Variants in ASXL2 observed in about 807,000 individuals in gnomAD.
ASXL2 encodes putative Polycomb group protein ASXL2.
Under a neutral mutation model 122.0 loss-of-function variants are expected in ASXL2, and 23 were observed. The observed-to-expected ratio is 0.19, with a 90% CI of 0.14 to 0.27. The LOEUF is 0.27. Ranked by LOEUF, ASXL2 falls within the 10% of genes least tolerant of loss-of-function variation. ASXL2 has a pLI of 1.00. For missense variants in ASXL2, 1,518 were observed against 1,713.8 expected (o/e 0.89, Z 2.02); for synonymous variants, 650 against 637.0 (o/e 1.02, Z -0.31).
At chr2:25,782,655 TC>T (rs1380130840) in intron 5 of ASXL2, among the ~76,000 whole-genome samples, 1 of 152,130 alleles carries the variant, frequency 6.6e-6, no homozygotes, top group African/African-American at 2.4e-5. Flanking sequence ...CCACTAGTGT[TC>T]CCCCTTAAGA....
intron 3 of ASXL2, among the ~76,000 whole-genome samples, chr2:25,818,601 A>G (rs773894695): frequency 6.6e-6 from 1 of 152,268 alleles, no homozygotes; most frequent in African/African-American, 2.4e-5. Context: ...AAATGACTAT[A>G]GCAGAAATAA....
intron 3 of ASXL2, among the ~76,000 whole-genome samples, chr2:25,823,131 T>C (rs1389092573): frequency 4.6e-5 from 7 of 152,190 alleles, no homozygotes; most frequent in African/African-American, 2.4e-5. Context: ...TGTACCATTG[T>C]ATGGGGCAAT....
intron 3 of ASXL2, among the ~76,000 whole-genome samples, chr2:25,832,710 G>A (rs1390418609): frequency 6.6e-6 from 1 of 152,176 alleles, no homozygotes; most frequent in African/African-American, 2.4e-5. Flanking sequence ...AATGGAAAAT[G>A]TATGCCCATA....
chr2:25,876,632 A>G (rs768768768), intron 1 of ASXL2, among the ~76,000 whole-genome samples: 15 of 152,350 alleles, frequency 9.8e-5, no homozygotes, highest in South Asian at 2.1e-4. Context: ...ATTAACAGAA[A>G]GAGGTCTTGA....
chr2:25,753,678 G>A, intron 10 of ASXL2, 39 bp from the exon 11 acceptor site: 1 of 1,444,138 alleles, frequency 6.9e-7, no homozygotes, highest in East Asian at 2.3e-5. Context: ...ATAGAAAAAT[G>A]CTATTTGCAA....
chr2:25,792,218 C>T (rs1016885392), intron 5 of ASXL2, among the ~76,000 whole-genome samples: 26 of 152,036 alleles, frequency 1.7e-4, no homozygotes, highest in Non-Finnish European at 4.4e-5. Flanking sequence ...CCCAGGCTGG[C>T]CTCAAACTCC....
intron 1 of ASXL2, among the ~76,000 whole-genome samples, chr2:25,867,742 C>G (rs2089921624): frequency 1.3e-5 from 2 of 152,200 alleles, no homozygotes; most frequent in Admixed American, 6.5e-5. Flanking sequence ...TTCCATTATG[C>G]TACACAACAC....
rs374285356 is a variant in ASXL2, at chr2:25,799,413, C to A, written c.375G>T (p.Glu125Asp). The A allele has an allele frequency of 2.5e-5, 40 of 1,613,908 alleles. No individual in the cohort carries two copies. In the African/African-American group the frequency reaches 5.1e-4, roughly 20 times the overall value. Residue 125 changes from glutamate to aspartate, a missense_variant, in exon 5 of 13, where the codon GAG becomes GAT. Physicochemically the swap from Glu to Asp is conservative, Grantham distance 45. Around this residue, in one of 8 missense-constraint regions of ASXL2, gnomAD observed 198 missense variants for 209.0 expected, o/e 0.95. Coordinates refer to ENST00000435504, the MANE Select transcript of ASXL2 (RefSeq NM_018263.6). The stretch of plus-strand genomic sequence containing the variant: ...TCCTTTTCCACCTGCTCTTTTTTCC[C>A]TCCTTGTTGCTGCCACCATCACTGC... The part of the protein sequence containing the change: ...SSSSDGGSNK[E>D]GKKSRWKRKV...
At chr2:25,757,414 G>T (rs2088153332) in intron 9 of ASXL2, among the ~76,000 whole-genome samples, 1 of 150,648 alleles carries the variant, frequency 6.6e-6, no homozygotes, top group African/African-American at 2.4e-5. Flanking sequence ...CGAGGCAGGT[G>T]GATCACGAGG....
intron 3 of ASXL2, among the ~76,000 whole-genome samples, chr2:25,825,636 G>C (rs977735632): frequency 4.6e-5 from 7 of 152,106 alleles, no homozygotes; most frequent in African/African-American, 1.7e-4. Context: ...TTTTAAAGCT[G>C]AATATTCCAT....
chr2:25,819,988 C>T (rs969902745), intron 3 of ASXL2, among the ~76,000 whole-genome samples: 1 of 152,184 alleles, frequency 6.6e-6, no homozygotes, highest in Non-Finnish European at 1.5e-5. Flanking sequence ...TAGCTCACTG[C>T]AGCCTTGAAC....
intron 5 of ASXL2, among the ~76,000 whole-genome samples, chr2:25,779,642 C>T (rs907327732): frequency 6.6e-6 from 1 of 152,142 alleles, no homozygotes; most frequent in Admixed American, 6.6e-5. Flanking sequence ...TTGTCTACGT[C>T]ATTATGCCAC....
At chr2:25,754,903 T>A (rs1203319825) in intron 10 of ASXL2, among the ~76,000 whole-genome samples, 1 of 151,682 alleles carries the variant, frequency 6.6e-6, no homozygotes, top group African/African-American at 2.4e-5. Flanking sequence ...GAGCAAGAGA[T>A]CCCTTCTACA....
chr2:25,851,550 T>C (rs1258788905), intron 1 of ASXL2, among the ~76,000 whole-genome samples: 2 of 152,250 alleles, frequency 1.3e-5, no homozygotes, highest in African/African-American at 4.8e-5. Context: ...TGTAACTGAC[T>C]GGTCTTTTCT....
At chr2:25,840,077 T>C (rs1165043417) in intron 2 of ASXL2, among the ~76,000 whole-genome samples, 1 of 151,908 alleles carries the variant, frequency 6.6e-6, no homozygotes, top group East Asian at 1.9e-4. Context: ...AACAACATAA[T>C]GGAATACAAA....
chr2:25,788,920 T>A (rs944776175), intron 5 of ASXL2, among the ~76,000 whole-genome samples: 1 of 152,134 alleles, frequency 6.6e-6, no homozygotes, highest in Admixed American at 6.5e-5. Context: ...GTACCCAGTA[T>A]GTTTTTTTCT....
chr2:25,847,156 A>G (rs974286491), intron 1 of ASXL2, among the ~76,000 whole-genome samples: 2 of 152,214 alleles, frequency 1.3e-5, no homozygotes, highest in African/African-American at 4.8e-5. Context: ...ATTCAAATCC[A>G]AGTCTTGCAC....
chr2:25,763,765 C>T (rs2088293297), intron 8 of ASXL2, among the ~76,000 whole-genome samples: 1 of 152,196 alleles, frequency 6.6e-6, no homozygotes, highest in Admixed American at 6.5e-5. Flanking sequence ...ATTATCACCC[C>T]ATTTCACAGA....
intron 3 of ASXL2, chr2:25,822,362 G>A (rs1408927631): frequency 1.1e-5 from 2 of 182,354 alleles, no homozygotes; most frequent in Admixed American, 6.2e-5. Context: ...AAGAGGCCGC[G>A]ACCGGGAGAA....
Sources: gnomAD v4.1 joint callset for allele counts (sites outside exome capture counted in the v4.1 genomes callset) on GRCh38, gnomAD v4.1.1 for gene constraint, gnomAD v4.1.1 regional missense constraint, MANE v1.5 for transcripts, NCBI Gene and HGNC (gene_info 2026-07-23, HGNC 2026-07-21) for gene names.